Variants in PGD observed in about 807,000 individuals in gnomAD.
PGD encodes the protein 6-phosphogluconate dehydrogenase, decarboxylating.
Under a neutral mutation model 60.4 loss-of-function variants are expected in PGD, and 21 were observed. The ratio of observed to expected loss-of-function variants is 0.35; its 90% CI spans 0.25 to 0.50. The LOEUF (loss-of-function observed/expected upper bound fraction) is 0.50. Among genes scored for constraint, PGD ranks in the 20% least tolerant of loss-of-function variants. The pLI is 0.98. For synonymous variants in PGD, 230 were observed against 235.9 expected (o/e 0.97, Z 0.23); for missense variants, 477 against 613.1 (o/e 0.78, Z 2.34).
chr1:10,415,371 C>T (rs1225092318), intron 8 of PGD: 1 of 152,222 alleles, frequency 6.6e-6, no homozygotes, highest in African/African-American at 2.4e-5. Flanking sequence ...GCAATTTATT[C>T]ATCACGGACT....
intron 3 of PGD, among the ~76,000 whole-genome samples, chr1:10,400,797 A>G (rs949038620): frequency 1.3e-5 from 2 of 152,178 alleles, no homozygotes; most frequent in African/African-American, 2.4e-5. Context: ...AGACATTTCA[A>G]TAAACATTAA....
chr1:10,407,095 T>G (rs1639420910), intron 5 of PGD, among the ~76,000 whole-genome samples: 1 of 152,124 alleles, frequency 6.6e-6, no homozygotes, highest in East Asian at 1.9e-4. Context: ...GAGGAGTGCT[T>G]GATCCGAGGA....
rs540064631 is a variant in PGD at position 10,419,592 on chromosome 1, A to G, written c.1333-38A>G. 31 of 1,614,092 alleles carry G rather than the reference A, an allele frequency of 1.9e-5. 1 individual carries two copies. In the South Asian group the frequency reaches 2.5e-4, roughly 13 times the overall value. Reference sequence around the variant, plus strand: ...GGCTGGCCCCTCGGGGGCGTGCGCCATGGACTGTCCTGACCAACCTACTCT... The same window carrying G: ...GGCTGGCCCCTCGGGGGCGTGCGCCGTGGACTGTCCTGACCAACCTACTCT... On this transcript the variant is annotated intron_variant, in intron 12 of 12. Transcript: ENST00000270776.
intron 8 of PGD, among the ~76,000 whole-genome samples, 175 bp from the exon 9 acceptor site, chr1:10,416,812 A>G (rs1223723813): frequency 2.0e-5 from 3 of 152,264 alleles, no homozygotes; most frequent in East Asian, 1.9e-4. Flanking sequence ...ACAAATCACA[A>G]TGGTGGAATG....
At chr1:10,417,329 T>A (rs926568361) in intron 9 of PGD, 47 bp from the exon 10 acceptor site, 3 of 1,564,212 alleles carry the variant, frequency 1.9e-6, no homozygotes, top group African/African-American at 2.7e-5. Flanking sequence ...CATAAGGCGG[T>A]CACTCTCCTA....
At chr1:10,399,742 C>T (rs1026248677) in intron 2 of PGD, 38 bp downstream of exon 2, 2 of 1,592,272 alleles carry the variant, frequency 1.3e-6, no homozygotes, top group East Asian at 2.2e-5. Flanking sequence ...CTCTGGTTCC[C>T]GGGCGCTTTA....
At chr1:10,411,649 T>C in intron 7 of PGD, 97 bp downstream of exon 7, 1 of 1,405,846 alleles carries the variant, frequency 7.1e-7, no homozygotes, top group Non-Finnish European at 9.8e-7. Context: ...CCTTGGCCAT[T>C]CGGGTGGCCT....
Position 10,416,268 on chromosome 1 carries a change from G to A in PGD, c.845-719G>A, listed in dbSNP as rs185173776. On this transcript the variant is annotated intron_variant, in intron 8 of 12. Coordinates refer to ENST00000270776, the MANE Select transcript of PGD (RefSeq NM_002631.4). ...GCCACCTTGCCCAGCCATAACAGTG[G>A]TTTCTATCTCTTCATTTTCCCTCAA... 7.9e-5 allele frequency among the ~76,000 whole-genome samples: 12 copies of A among 152,214 alleles called. No homozygotes were observed. The South Asian group carries it at 1.2e-3, about 16-fold the overall frequency.
At chr1:10,411,805 G>A (rs1639505712) in intron 7 of PGD, among the ~76,000 whole-genome samples, 1 of 152,194 alleles carries the variant, frequency 6.6e-6, no homozygotes, top group South Asian at 2.1e-4. Context: ...CAGGCACTGT[G>A]TCACTCCACA....
Position 10,411,432 on chromosome 1 carries a change from A to T in PGD, c.534A>T (p.Gly178=). ...EPCCDWVGDE[G]AGHFVKMVHN... ...TGTCCTGACAGGTGGGAGATGAGGG[A>T]GCAGGCCACTTCGTGAAGATGGTGC... is the stretch of plus-strand genomic sequence containing the variant. Residue 178 remains glycine (G), a synonymous_variant, in exon 7 of 13, where the codon GGA becomes GGT. Coordinates refer to ENST00000270776, the MANE Select transcript of PGD (RefSeq NM_002631.4). 1 of 1,613,256 alleles carries T rather than the reference A, an allele frequency of 6.2e-7. No individual in the cohort carries two copies. Among genetic ancestry groups the T allele is most frequent in the Non-Finnish European group, 8.5e-7 (1 of 1,179,878 alleles).
chr1:10,404,345 A>T, intron 5 of PGD, 66 bp downstream of exon 5: 1 of 1,024,696 alleles, frequency 9.8e-7, no homozygotes, highest in Non-Finnish European at 1.4e-6. Flanking sequence ...CGAATAAGCC[A>T]GGAGCAGTTC....
rs529358008 is a variant in PGD, at chr1:10,400,499, A to T, written c.191A>T (p.Lys64Met). 2.5e-6 allele frequency: 4 copies of T among 1,614,134 alleles called. No homozygotes were observed. The highest frequency in any genetic ancestry group is 2.7e-5 in the African/African-American group (2 of 75,044). ...GAQSLKEMVSKLKKPRRIILL... is the reference protein window; with the variant it reads ...GAQSLKEMVSMLKKPRRIILL... ...CAGTCCCTGAAAGAGATGGTCTCCA[A>T]GCTGAAGAAGCCCCGGCGGATCATC... Residue 64 changes from lysine (K) to methionine (M), a missense_variant, in exon 3 of 13, where the codon AAG becomes ATG. Lys to Met is a moderately conservative substitution (Grantham distance 95). Around this residue, in one of 3 missense-constraint regions of PGD, gnomAD observed 431 missense variants for 556.6 expected, o/e 0.77. Coordinates refer to ENST00000270776, the MANE Select transcript of PGD (RefSeq NM_002631.4).
chr1:10,408,530 G>A (rs1265550072), intron 6 of PGD, among the ~76,000 whole-genome samples: 1 of 152,214 alleles, frequency 6.6e-6, no homozygotes, highest in Non-Finnish European at 1.5e-5. Context: ...TACTGTTGCT[G>A]TGTCAACATT....
intron 7 of PGD, among the ~76,000 whole-genome samples, chr1:10,411,842 G>T (rs949425323): frequency 6.6e-6 from 1 of 152,180 alleles, no homozygotes; most frequent in Non-Finnish European, 1.5e-5. Context: ...TCCCACAGTT[G>T]TCCCACATGG....
chr1:10,402,560 T>G (rs1267004804), intron 3 of PGD, among the ~76,000 whole-genome samples: 1 of 151,226 alleles, frequency 6.6e-6, no homozygotes, highest in Non-Finnish European at 1.5e-5. Flanking sequence ...TCTCACTCTG[T>G]CCCCCAGGCT....
At chr1:10,415,069 C>T (rs1639572218) in intron 8 of PGD, among the ~76,000 whole-genome samples, 1 of 149,458 alleles carries the variant, frequency 6.7e-6, no homozygotes, top group Non-Finnish European at 1.5e-5. Context: ...CCAGGCTGGG[C>T]GACCGAGCAA....
Position 10,419,307 on chromosome 1 carries a change from G to A in PGD, c.1210-110G>A, listed in dbSNP as rs549321791. ...GCTGGGATGACAGGCGTGAGCCACC[G>A]CGCCTGGCCTAACCATCAGTTTTTC... On this transcript the variant is annotated intron_variant, in intron 11 of 12. Transcript: ENST00000270776. 1.1e-5 allele frequency: 16 copies of A among 1,444,810 alleles called. No homozygotes were observed. The East Asian group carries it at 1.4e-4, about 12-fold the overall frequency. The allele number at this position is 1,444,810 out of a possible 1,614,324, so 89.5% of individuals were successfully genotyped here. A position where few individuals can be genotyped will look rare whatever the true frequency, so the allele number is the denominator to read the frequency against.
At chr1:10,405,941 C>T (rs890696123) in intron 5 of PGD, among the ~76,000 whole-genome samples, 2 of 152,140 alleles carry the variant, frequency 1.3e-5, no homozygotes, top group Non-Finnish European at 2.9e-5. Context: ...GCAAGCCCCA[C>T]CTGCCAGGTT....
Position 10,399,533 on chromosome 1 carries a change from T to G in PGD, c.9-96T>G, listed in dbSNP as rs1486489436. Reference sequence around the variant, plus strand: ...GGGAGGCGCGGAGGAAAGTGCAGACTCCCAGTCACGGCCAAATGTGGAAGG... The same window carrying G: ...GGGAGGCGCGGAGGAAAGTGCAGACGCCCAGTCACGGCCAAATGTGGAAGG... On this transcript the variant is annotated intron_variant, in intron 1 of 12. Coordinates refer to ENST00000270776, the MANE Select transcript of PGD (RefSeq NM_002631.4). 8.0e-6 allele frequency: 9 copies of G among 1,118,726 alleles called. No homozygotes were observed. In the Admixed American group the frequency reaches 1.2e-4, roughly 15 times the overall value. The allele number at this position is 1,118,726 out of a possible 1,614,324, so 69.3% of individuals were successfully genotyped here.
Sources: gnomAD v4.1 joint callset for allele counts (sites outside exome capture counted in the v4.1 genomes callset) on GRCh38, gnomAD v4.1.1 for gene constraint, gnomAD v4.1.1 regional missense constraint, MANE v1.5 for transcripts, NCBI Gene and HGNC (gene_info 2026-07-23, HGNC 2026-07-21) for gene names.